Variants in KBTBD2 observed in about 807,000 individuals in gnomAD.
KBTBD2 encodes the protein kelch repeat and BTB domain containing 2.
A neutral mutation model predicts 57.1 loss-of-function variants in KBTBD2; 17 were observed. That is an observed-to-expected ratio of 0.30 (90% CI 0.20 to 0.45). The LOEUF (loss-of-function observed/expected upper bound fraction) is 0.45. KBTBD2 is among the 20% of genes least tolerant of loss of function. The pLI, the probability that KBTBD2 is intolerant of heterozygous loss-of-function variation, is 1.00. For missense variants in KBTBD2, 515 were observed against 750.6 expected, an observed-to-expected ratio of 0.69 and a Z score of 3.67; for synonymous variants, 267 against 262.7, an observed-to-expected ratio of 1.02 and a Z score of -0.16.
chr7:32,874,142 G>GA (rs1784250445), intron 3 of KBTBD2, among the ~76,000 whole-genome samples: 2 of 152,058 alleles, frequency 1.3e-5, no homozygotes, highest in Non-Finnish European at 2.9e-5. Flanking sequence ...GCTCATGCCT[G>GA]TAATCCCAGC....
intron 3 of KBTBD2, 26 bp downstream of exon 3, chr7:32,874,966 G>A (rs745538247): frequency 1.7e-5 from 28 of 1,602,740 alleles, no homozygotes; most frequent in East Asian, 1.6e-4. Context: ...GAGAGACTCC[G>A]TCTAAAAAAA....
chr7:32,872,050 A>G (rs1784192107), intron 3 of KBTBD2, among the ~76,000 whole-genome samples: 1 of 152,116 alleles, frequency 6.6e-6, no homozygotes, highest in South Asian at 2.1e-4. Context: ...ACCAACAAAA[A>G]ATTAGCTGGA....
intron 1 of KBTBD2, chr7:32,891,247 G>A (rs867187018): frequency 3.5e-4 from 52 of 149,898 alleles, no homozygotes; most frequent in African/African-American, 1.2e-3. Flanking sequence ...CCGGTGCCGG[G>A]GCCGGAAACG....
At chr7:32,886,404 A>G (rs750471991) in intron 1 of KBTBD2, among the ~76,000 whole-genome samples, 1 of 152,226 alleles carries the variant, frequency 6.6e-6, no homozygotes, top group African/African-American at 2.4e-5. Flanking sequence ...CATTGTTACT[A>G]AATGATTGTC....
intron 1 of KBTBD2, among the ~76,000 whole-genome samples, chr7:32,887,210 A>G (rs1784601462): frequency 6.6e-6 from 1 of 152,224 alleles, no homozygotes; most frequent in Non-Finnish European, 1.5e-5. Flanking sequence ...AAAAAGGAAG[A>G]AAGGATAAAA....
chr7:32,887,305 GT>G (rs1017950932), intron 1 of KBTBD2, among the ~76,000 whole-genome samples: 1 of 152,158 alleles, frequency 6.6e-6, no homozygotes, highest in African/African-American at 2.4e-5. Flanking sequence ...AGGAATAAGT[GT>G]TACTGATCTG....
intron 2 of KBTBD2, 78 bp downstream of exon 2, chr7:32,879,353 AAAAC>A (rs1192631149): frequency 1.8e-6 from 2 of 1,094,486 alleles, no homozygotes; most frequent in Non-Finnish European, 2.6e-6. Flanking sequence ...GCAAAACTTA[AAAAC>A]AAAAATTGAG....
upstream of KBTBD2, chr7:32,891,909 C>CCCCCGCCG: frequency 7.1e-6 from 1 of 141,460 alleles, no homozygotes; most frequent in African/African-American, 2.5e-5. Flanking sequence ...CCCGCCCCCG[C>CCCCCGCCG]CGCGCGCTCT....
rs140922726 is a variant in KBTBD2, at chr7:32,885,002, G to GTA, written c.-338-5062_-338-5061dup. Among the ~76,000 whole-genome samples, 1,134 of 118,140 alleles carry GTA rather than the reference G, an allele frequency of 9.6e-3. 27 individuals are homozygous for GTA. The highest frequency in any genetic ancestry group is 0.031 in the African/African-American group (1,075 of 34,596). The allele number at this position is 118,140 out of a possible 152,430, so 77.5% of individuals were successfully genotyped here. ...TATATATATATATACACATATATGT[G>GTA]TATATATATATATATACACACACAT... On this transcript the variant is annotated intron_variant, in intron 1 of 3. Transcript: ENST00000304056.
rs546226294 is a variant in KBTBD2, at chr7:32,886,588, T to C, written c.-339+4948A>G. Among the ~76,000 whole-genome samples the C allele has an allele frequency of 5.3e-5, 8 of 152,318 alleles. No individual in the cohort carries two copies. The South Asian group carries it at 1.2e-3, about 24-fold the overall frequency. On this transcript the variant is annotated intron_variant, in intron 1 of 3. Transcript: ENST00000304056. The stretch of plus-strand genomic sequence containing the variant: ...AGACCTGAGTGTCCTTGGATTTTCA[T>C]ATCCCAAGGGGACCTAGGAACTAAT...
At chr7:32,888,910 A>G (rs975054436) in intron 1 of KBTBD2, among the ~76,000 whole-genome samples, 3 of 152,220 alleles carry the variant, frequency 2.0e-5, no homozygotes, top group Non-Finnish European at 4.4e-5. Flanking sequence ...ACAAGAACAT[A>G]AAGGCAATGC....
intron 3 of KBTBD2, among the ~76,000 whole-genome samples, chr7:32,871,208 T>C (rs1221076129): frequency 1.3e-5 from 2 of 152,332 alleles, no homozygotes; most frequent in Non-Finnish European, 2.9e-5. Context: ...AGACTTTATA[T>C]ATAATTGAGA....
At chr7:32,878,832 A>G (rs1316158659) in intron 2 of KBTBD2, among the ~76,000 whole-genome samples, 1 of 152,208 alleles carries the variant, frequency 6.6e-6, no homozygotes, top group East Asian at 1.9e-4. Context: ...ATAAAAATGT[A>G]AAGTTAAGCT....
rs1480118011 is a variant in KBTBD2, at chr7:32,868,759, A to G, written c.*586T>C. 6.5e-6 allele frequency: 1 copy of G among 152,742 alleles called. No homozygotes were observed. Among genetic ancestry groups the G allele is most frequent in the African/African-American group, 2.4e-5 (1 of 41,464 alleles). The allele number at this position is 152,742 out of a possible 1,614,324, so 9.5% of individuals were successfully genotyped here. A position where few individuals can be genotyped will look rare whatever the true frequency, so the allele number is the denominator to read the frequency against. On this transcript the variant is annotated 3_prime_UTR_variant, in exon 4 of 4. Coordinates refer to ENST00000304056, the MANE Select transcript of KBTBD2 (RefSeq NM_015483.3). ...TAGACAAGTATAAGTTAGTGAAAAG[A>G]GAATACATGCACCTAATAGTATAGT...
Position 32,869,415 on chromosome 7 carries a change from T to C in KBTBD2, c.1802A>G (p.Tyr601Cys), listed in dbSNP as rs1317697378. ...TTCTGTCCCATCCGTTGAAAAAAGA[T>C]AAGTTGGTGGTTTCCATGGAGACTC... ...LEESPWKPPT[Y>C]LFSTDGTEEF... Residue 601 changes from tyrosine (Y) to cysteine (C), a missense_variant, in exon 4 of 4, where the codon TAT (tyrosine) becomes TGT (cysteine). By Grantham distance (194) the Tyr-to-Cys change is radical. Transcript: ENST00000304056. 6.2e-7 allele frequency: 1 copy of C among 1,614,092 alleles called. No individual in the cohort carries two copies. The highest frequency in any genetic ancestry group is 8.5e-7 in the Non-Finnish European group (1 of 1,179,988).
In KBTBD2 at chr7:32,891,665, CCGGCCG is replaced by C. The variant is rs1032440485; in HGVS notation, c.-474_-469del. 6.6e-6 allele frequency: 1 copy of C among 150,522 alleles called. No individual in the cohort carries two copies. Among genetic ancestry groups the C allele is most frequent in the Non-Finnish European group, 1.5e-5 (1 of 67,724 alleles). 9.3% of individuals were successfully genotyped at this position (150,522 alleles called of 1,614,324 possible). A position where few individuals can be genotyped will look rare whatever the true frequency, so the allele number is the denominator to read the frequency against. On this transcript the variant is annotated 5_prime_UTR_variant, in exon 1 of 4. Coordinates refer to ENST00000304056, the MANE Select transcript of KBTBD2 (RefSeq NM_015483.3). ...CTCGCCTGGGGTCTCGCCTCCGCCT[CCGGCCG>C]AGGAAGGCTGGCGCCGCCGCCTCTT...
chr7:32,880,934 C>T lies in KBTBD2; in HGVS notation c.-338-992G>A, dbSNP rs185660056. Among the ~76,000 whole-genome samples the T allele has an allele frequency of 2.4e-4, 37 of 151,984 alleles. No individual in the cohort carries two copies. The East Asian group carries it at 6.6e-3, about 27-fold the overall frequency. On this transcript the variant is annotated intron_variant, in intron 1 of 3. Transcript: ENST00000304056. ...TGACCAACATGGTGAAATCCTGTCT[C>T]TATTAAAAATACAAAAGTTAGCTGG...
intron 2 of KBTBD2, among the ~76,000 whole-genome samples, chr7:32,876,560 A>G (rs187109127): frequency 3.9e-5 from 6 of 152,344 alleles, no homozygotes; most frequent in Non-Finnish European, 5.9e-5. Context: ...CTGACAGACT[A>G]TAAGAGCTAA....
At chr7:32,872,417 C>T (rs1444260535) in intron 3 of KBTBD2, among the ~76,000 whole-genome samples, 2 of 152,072 alleles carry the variant, frequency 1.3e-5, no homozygotes, top group African/African-American at 2.4e-5. Context: ...TTGTAACTCG[C>T]ACCTGTAATC....
Sources: allele counts gnomAD v4.1 joint callset (sites outside exome capture counted in the v4.1 genomes callset), GRCh38; gene constraint gnomAD v4.1.1; transcripts MANE v1.5; gene names NCBI Gene and HGNC (gene_info 2026-07-23, HGNC 2026-07-21).